The following ZDHHC19 variants were observed in gnomAD, a reference collection of about 807,000 sequenced individuals.
ZDHHC19 encodes the protein palmitoyltransferase ZDHHC19.
A neutral mutation model predicts 33.9 loss-of-function variants in ZDHHC19; 30 were observed. The observed-to-expected ratio is 0.88, with a 90% CI of 0.66 to 1.20. The LOEUF is 1.20. Among genes scored for constraint, ZDHHC19 ranks in the 50% most tolerant of loss-of-function variants. The pLI is 0.00. For synonymous variants in ZDHHC19, 178 were observed against 167.6 expected, an observed-to-expected ratio of 1.06 and a Z score of -0.48; for missense variants, 364 against 401.1, an observed-to-expected ratio of 0.91 and a Z score of 0.79.
At position 196,208,289 on chromosome 3, in the gene ZDHHC19, C is replaced by A. The variant is rs986443397; in HGVS notation, c.581+99G>T. ...CTCGTCCCAGACTGGTCCTCCCAGG[C>A]GGCTTCTCCCTCTAGCCCCGCCCCC... On this transcript the variant is annotated intron_variant, in intron 4 of 7. Coordinates refer to ENST00000296326, the MANE Select transcript of ZDHHC19 (RefSeq NM_001039617.2). 6.7e-6 allele frequency: 7 copies of A among 1,052,312 alleles called. No individual in the cohort carries two copies. The South Asian group carries it at 9.6e-5, about 14-fold the overall frequency. The allele number at this position is 1,052,312 out of a possible 1,614,324, so 65.2% of individuals were successfully genotyped here. A position where few individuals can be genotyped will look rare whatever the true frequency, so the allele number is the denominator to read the frequency against.
intron 5 of ZDHHC19, among the ~76,000 whole-genome samples, chr3:196,200,344 G>A (rs12492406): frequency 6.0e-4 from 25 of 41,644 alleles, no homozygotes; most frequent in African/African-American, 1.4e-3. Context: ...ATATATATAT[G>A]TATATATATA....
intron 6 of ZDHHC19, 62 bp from the exon 7 acceptor site, chr3:196,198,513 C>T: frequency 6.3e-7 from 1 of 1,591,020 alleles, no homozygotes; most frequent in Non-Finnish European, 8.5e-7. Context: ...CCCCTGCCCG[C>T]CTCAGCTTGG....
At chr3:196,198,744 C>T in intron 6 of ZDHHC19, 45 bp downstream of exon 6, 2 of 1,609,228 alleles carry the variant, frequency 1.2e-6, no homozygotes, top group Non-Finnish European at 1.7e-6. Flanking sequence ...CACCTCTGCC[C>T]CACCCCCAGG....
chr3:196,209,314 G>A, intron 3 of ZDHHC19, 62 bp downstream of exon 3: 1 of 1,531,388 alleles, frequency 6.5e-7, no homozygotes, highest in South Asian at 1.2e-5. Flanking sequence ...CTGTATGAGG[G>A]AGGCTCCTGG....
At chr3:196,210,302 G>GGAA (rs1723142126) in intron 2 of ZDHHC19, among the ~76,000 whole-genome samples, 1 of 140,248 alleles carries the variant, frequency 7.1e-6, no homozygotes, top group East Asian at 2.1e-4. Flanking sequence ...AGGAAGGAAA[G>GGAA]AGAGAGGAAG....
Position 196,198,850 on chromosome 3 carries a change from G to A in ZDHHC19, c.712C>T (p.Pro238Ser), listed in dbSNP as rs1722014129. The A allele has an allele frequency of 3.1e-6, 5 of 1,613,938 alleles. No individual in the cohort carries two copies. The highest frequency in any genetic ancestry group is 4.2e-6 in the Non-Finnish European group (5 of 1,179,966). Residue 238 changes from proline to serine, a missense_variant, in exon 6 of 8, where the codon CCC (proline) becomes TCC (serine). Coordinates refer to ENST00000296326, the MANE Select transcript of ZDHHC19 (RefSeq NM_001039617.2). ...TTGCTGGCACAGCCCTGGTCGAAGG[G>A]GTTGTATCCCTGAAGGTGTCTGCAC... The part of the protein sequence containing the change: ...GKCRHLQGYN[P>S]FDQGCASNWY...
At chr3:196,210,179 A>G (rs1723101981) in intron 2 of ZDHHC19, among the ~76,000 whole-genome samples, 1 of 148,500 alleles carries the variant, frequency 6.7e-6, no homozygotes, top group Non-Finnish European at 1.5e-5. Flanking sequence ...CAGCAAAGCG[A>G]GACTCTGTCT....
chr3:196,198,289 G>A lies in ZDHHC19; in HGVS notation c.*6C>T, dbSNP rs1019896866. 2.0e-6 allele frequency: 3 copies of A among 1,501,354 alleles called. No individual in the cohort carries two copies. The highest frequency in any genetic ancestry group is 2.3e-5 in the East Asian group (1 of 43,034). 93.0% of individuals were successfully genotyped at this position (1,501,354 alleles called of 1,614,324 possible). On this transcript the variant is annotated 3_prime_UTR_variant, in exon 7 of 8. Coordinates refer to ENST00000296326, the MANE Select transcript of ZDHHC19 (RefSeq NM_001039617.2). ...CACGCTTCTTACCTCCTGGAGAGCT[G>A]CAGCCTCACCACGCCCCGGGGGTCC...
At chr3:196,209,733 G>A (rs1174080880) in intron 2 of ZDHHC19, among the ~76,000 whole-genome samples, 1 of 152,246 alleles carries the variant, frequency 6.6e-6, no homozygotes, top group African/African-American at 2.4e-5. Context: ...TCAGGCGTTT[G>A]GAACAGTGAG....
At chr3:196,204,717 G>A (rs771262282) in intron 5 of ZDHHC19, among the ~76,000 whole-genome samples, 5 of 152,160 alleles carry the variant, frequency 3.3e-5, no homozygotes, top group Non-Finnish European at 7.3e-5. Context: ...TCAAACGTTC[G>A]TAAGGATGCA....
chr3:196,209,946 C>T (rs932386861), intron 2 of ZDHHC19, among the ~76,000 whole-genome samples: 6 of 152,200 alleles, frequency 3.9e-5, no homozygotes, highest in African/African-American at 9.6e-5. Context: ...AATCCCAGCA[C>T]TTTGGGAGGC....
intron 2 of ZDHHC19, 90 bp downstream of exon 2, chr3:196,210,526 G>A: frequency 3.2e-6 from 5 of 1,566,598 alleles, no homozygotes; most frequent in Non-Finnish European, 4.4e-6. Context: ...GGCTGGAGGA[G>A]GGTCAGTAGG....
chr3:196,208,083 T>A (rs1023971885), intron 4 of ZDHHC19, among the ~76,000 whole-genome samples: 3 of 151,806 alleles, frequency 2.0e-5, no homozygotes, highest in African/African-American at 7.3e-5. Context: ...TTTCTATTTT[T>A]TTGTAGAGAC....
rs758070049 is a variant in ZDHHC19 at position 196,198,384 on chromosome 3, G to A, written c.841C>T (p.His281Tyr). The A allele has an allele frequency of 4.5e-6, 7 of 1,540,660 alleles. No homozygotes were observed. The highest frequency in any genetic ancestry group is 1.4e-5 in the African/African-American group (1 of 72,826). The part of the protein sequence containing the change: ...GPDWTSMPNL[H>Y]PPMSPSALNP... ...AGAGCAGAGGGGGACATTGGAGGGTGCAGATTCGGCATGGATGTCCAGTCA... is the reference window on the plus strand; with the variant it reads ...AGAGCAGAGGGGGACATTGGAGGGTACAGATTCGGCATGGATGTCCAGTCA... The change falls in exon 7 of 8, where the codon CAC becomes TAC. Residue 281 changes from histidine (H) to tyrosine (Y), a missense_variant. By Grantham distance (83) the His-to-Tyr change is moderately conservative. Transcript: ENST00000296326.
chr3:196,209,089 A>T, intron 3 of ZDHHC19: 1 of 395,418 alleles, frequency 2.5e-6, no homozygotes, highest in Admixed American at 4.1e-5. Context: ...TAGCGAGCCC[A>T]GGGGTGGGAC....
intron 5 of ZDHHC19, among the ~76,000 whole-genome samples, chr3:196,204,861 C>T (rs888658446): frequency 4.6e-5 from 7 of 152,168 alleles, no homozygotes; most frequent in Admixed American, 2.6e-4. Context: ...AATCCCAGCA[C>T]TTTGGGAGGC....
At chr3:196,209,770 G>C (rs1346991462) in intron 2 of ZDHHC19, among the ~76,000 whole-genome samples, 3 of 152,226 alleles carry the variant, frequency 2.0e-5, no homozygotes, top group Non-Finnish European at 4.4e-5. Flanking sequence ...ATTGTGTAGT[G>C]AAGGGAGGAA....
intron 4 of ZDHHC19, 35 bp from the exon 5 acceptor site, chr3:196,207,538 C>G: frequency 6.7e-7 from 1 of 1,499,356 alleles, no homozygotes. Context: ...GCGGGACCCC[C>G]ACGCCTGGCC....
rs932307475 is a variant in ZDHHC19 at position 196,203,745 on chromosome 3, C to T, written c.687+3653G>A. Reference sequence around the variant, plus strand: ...GAAGGCTGCCCAGAAAAGGCTGAAACGATGCACTGAGGCTGGGGAGGGTCC... The same window carrying T: ...GAAGGCTGCCCAGAAAAGGCTGAAATGATGCACTGAGGCTGGGGAGGGTCC... On this transcript the variant is annotated intron_variant, in intron 5 of 7. Coordinates refer to ENST00000296326, the MANE Select transcript of ZDHHC19 (RefSeq NM_001039617.2). The surrounding 1 kb of genome is among the most constrained non-coding windows in gnomAD (Gnocchi z 4.3). Among the ~76,000 whole-genome samples the T allele has an allele frequency of 7.2e-5, 11 of 152,130 alleles. No homozygotes were observed. The highest frequency in any genetic ancestry group is 1.7e-4 in the African/African-American group (7 of 41,426).
Sources: allele counts gnomAD v4.1 joint callset (sites outside exome capture counted in the v4.1 genomes callset), GRCh38; gene constraint gnomAD v4.1.1; non-coding constraint Gnocchi (gnomAD v3.1); transcripts MANE v1.5; gene names NCBI Gene and HGNC (gene_info 2026-07-23, HGNC 2026-07-21).